The following XRCC4 variants were observed in gnomAD, a reference collection of about 807,000 sequenced individuals.
XRCC4 encodes the protein X-ray repair cross complementing 4, also known as DNA repair protein XRCC4.
Under a neutral mutation model 39.1 loss-of-function variants are expected in XRCC4, and 28 were observed. The observed-to-expected ratio is 0.72, with a 90% confidence interval of 0.53 to 0.98. The LOEUF is 0.98. XRCC4 is among the 50% of genes least tolerant of loss of function. XRCC4 has a pLI of 0.00. For missense variants in XRCC4, 350 were observed against 376.4 expected, an observed-to-expected ratio of 0.93 and a Z score of 0.58; for synonymous variants, 123 against 126.4, an observed-to-expected ratio of 0.97 and a Z score of 0.18.
intron 7 of XRCC4, among the ~76,000 whole-genome samples, chr5:83,347,002 AT>A: frequency 6.6e-6 from 1 of 152,222 alleles, no homozygotes; most frequent in Non-Finnish European, 1.5e-5. Flanking sequence ...CATGAAAAAA[AT>A]ATGATAAATA....
At chr5:83,102,362 T>C (rs1303380767) in intron 1 of XRCC4, among the ~76,000 whole-genome samples, 1 of 152,104 alleles carries the variant, frequency 6.6e-6, no homozygotes, top group African/African-American at 2.4e-5. Flanking sequence ...ACTTAATCTG[T>C]ATGGACCCTA....
rs1486385022 is a variant in XRCC4, at chr5:83,078,472, TAGAG to T, written c.-11+861_-11+864del. Reference sequence around the variant, plus strand: ...ATTTTTTATGGACTTAGAAGGTGGATAGAGAGAAAGAGAGAAGGTAACTCACGTG... The same window carrying T: ...ATTTTTTATGGACTTAGAAGGTGGATAGAAAGAGAGAAGGTAACTCACGTG... On this transcript the variant is annotated intron_variant, in intron 1 of 7. Coordinates refer to ENST00000396027, the MANE Select transcript of XRCC4 (RefSeq NM_003401.5). Among the ~76,000 whole-genome samples the T allele has an allele frequency of 4.6e-5, 7 of 152,292 alleles. No individual in the cohort carries two copies. The South Asian group carries it at 1.2e-3, about 27-fold the overall frequency.
intron 7 of XRCC4, among the ~76,000 whole-genome samples, chr5:83,337,833 G>A (rs1756638734): frequency 6.6e-6 from 1 of 152,168 alleles, no homozygotes; most frequent in Non-Finnish European, 1.5e-5. Flanking sequence ...AGGAGATAAG[G>A]ACCTTCTTTC....
intron 3 of XRCC4, among the ~76,000 whole-genome samples, chr5:83,182,266 T>G (rs976620116): frequency 6.6e-6 from 1 of 152,192 alleles, no homozygotes; most frequent in Admixed American, 6.5e-5. Context: ...AATAACAATT[T>G]CCTGCTTCTG....
At chr5:83,297,058 T>C (rs1333123230) in intron 7 of XRCC4, among the ~76,000 whole-genome samples, 1 of 151,886 alleles carries the variant, frequency 6.6e-6, no homozygotes, top group East Asian at 1.9e-4. Flanking sequence ...GATAATATTA[T>C]TAACAGAAAG....
chr5:83,122,226 T>C (rs1400981069), intron 3 of XRCC4, among the ~76,000 whole-genome samples: 1 of 152,194 alleles, frequency 6.6e-6, no homozygotes, highest in African/African-American at 2.4e-5. Flanking sequence ...TCTGCTGGAA[T>C]CTTAATTGAG....
downstream of XRCC4, chr5:83,353,789 T>C (rs1277056137): frequency 6.6e-6 from 1 of 152,200 alleles, no homozygotes; most frequent in African/African-American, 2.4e-5. Flanking sequence ...AAATGTGTTA[T>C]TTAGGTTAAC....
At chr5:83,258,709 G>C (rs765941241) in intron 7 of XRCC4, 32 bp downstream of exon 7, 12 of 1,595,878 alleles carry the variant, frequency 7.5e-6, no homozygotes, top group Non-Finnish European at 8.5e-6. Flanking sequence ...CAAGAAGTGA[G>C]ATGACATTTT....
chr5:83,218,645 A>G (rs917335815), intron 6 of XRCC4, among the ~76,000 whole-genome samples: 3 of 152,120 alleles, frequency 2.0e-5, no homozygotes, highest in Admixed American at 6.5e-5. Context: ...CATTGTTGTA[A>G]ATGGTAAAAA....
At chr5:83,294,050 T>C (rs528667996) in intron 7 of XRCC4, among the ~76,000 whole-genome samples, 26 of 151,998 alleles carry the variant, frequency 1.7e-4, no homozygotes, top group Admixed American at 8.5e-4. Context: ...TTGTTTTTTT[T>C]TCTCTCTCTT....
intron 7 of XRCC4, among the ~76,000 whole-genome samples, chr5:83,315,516 C>A (rs575945515): frequency 2.4e-4 from 37 of 152,222 alleles, no homozygotes; most frequent in Non-Finnish European, 4.1e-4. Context: ...GAAGTCAATT[C>A]TTGGCTTCAA....
chr5:83,309,296 A>AAAAAAAAAAAAAAAAAAAAATATATAT (rs1561467702), intron 7 of XRCC4, among the ~76,000 whole-genome samples: 1 of 72,218 alleles, frequency 1.4e-5, no homozygotes, highest in Non-Finnish European at 2.1e-5. Flanking sequence ...AAAAAAAAAA[A>AAAAAAAAAAAAAAAAAAAAATATATAT]ATATATATAT....
chr5:83,263,889 CT>C (rs1303826317), intron 7 of XRCC4, among the ~76,000 whole-genome samples: 1 of 151,564 alleles, frequency 6.6e-6, no homozygotes, highest in East Asian at 1.9e-4. Context: ...GTTGCCATTG[CT>C]TTTGGTGTTT....
chr5:83,370,318 G>C, the XRCC4 span, among the ~76,000 whole-genome samples: 1 of 152,106 alleles, frequency 6.6e-6, no homozygotes, highest in Non-Finnish European at 1.5e-5. Flanking sequence ...TGTGACTTCT[G>C]TCTGTCATAG....
chr5:83,295,715 T>C (rs1436449030), intron 7 of XRCC4, among the ~76,000 whole-genome samples: 1 of 144,048 alleles, frequency 6.9e-6, no homozygotes, highest in Non-Finnish European at 1.5e-5. Flanking sequence ...CACACACACA[T>C]GCACGCACAC....
chr5:83,080,041 C>T (rs1421667357), intron 1 of XRCC4, among the ~76,000 whole-genome samples: 1 of 152,096 alleles, frequency 6.6e-6, no homozygotes, highest in Non-Finnish European at 1.5e-5. Context: ...AGTAAGCACT[C>T]AGAAAGTGTT....
At chr5:83,298,205 G>A (rs1158445352) in intron 7 of XRCC4, among the ~76,000 whole-genome samples, 1 of 150,728 alleles carries the variant, frequency 6.6e-6, no homozygotes, top group East Asian at 1.9e-4. Flanking sequence ...ACCGTCTATG[G>A]CACCATAAAT....
At chr5:83,335,107 G>T (rs999281676) in intron 7 of XRCC4, among the ~76,000 whole-genome samples, 28 of 151,974 alleles carry the variant, frequency 1.8e-4, no homozygotes, top group Non-Finnish European at 2.9e-5. Context: ...TTTAGACCTA[G>T]AATGGACCTT....
At chr5:83,247,227 A>G (rs1753137833) in intron 6 of XRCC4, among the ~76,000 whole-genome samples, 1 of 152,174 alleles carries the variant, frequency 6.6e-6, no homozygotes, top group African/African-American at 2.4e-5. Flanking sequence ...AATCATAAAC[A>G]CTATTTAGGT....
Sources: allele counts gnomAD v4.1 joint callset (sites outside exome capture counted in the v4.1 genomes callset), GRCh38; gene constraint gnomAD v4.1.1; transcripts MANE v1.5; gene names NCBI Gene and HGNC (gene_info 2026-07-23, HGNC 2026-07-21).